The following SGMS1 variants were observed in gnomAD, a reference collection of about 807,000 sequenced individuals.
SGMS1 encodes phosphatidylcholine:ceramide cholinephosphotransferase 1.
In SGMS1, 13 loss-of-function variants were observed where a neutral mutation model predicts 46.2. The observed-to-expected ratio is 0.28, with a 90% CI of 0.18 to 0.45. The LOEUF (loss-of-function observed/expected upper bound fraction) is 0.45, where lower values mean the gene tolerates loss of function less well. Among genes scored for constraint, SGMS1 ranks in the 20% least tolerant of loss-of-function variants. The pLI, the probability that SGMS1 is intolerant of heterozygous loss-of-function variation, is 1.00. For missense variants in SGMS1, 324 were observed against 519.9 expected (o/e 0.62, Z 3.66); for synonymous variants, 203 against 187.8 (o/e 1.08, Z -0.66).
intron 4 of SGMS1, among the ~76,000 whole-genome samples, chr10:50,461,724 G>A (rs938959822): frequency 6.6e-5 from 10 of 152,148 alleles, no homozygotes; most frequent in East Asian, 1.9e-4. Context: ...CTGTCAAGCC[G>A]GAGAGCTGAT....
intron 2 of SGMS1, among the ~76,000 whole-genome samples, chr10:50,573,318 C>G (rs1315231801): frequency 6.6e-6 from 1 of 152,046 alleles, no homozygotes; most frequent in East Asian, 1.9e-4. Context: ...ATGTAGAAAA[C>G]CCTAAAGATC....
chr10:50,323,402 T>C (rs1847480385), intron 8 of SGMS1, among the ~76,000 whole-genome samples: 1 of 152,138 alleles, frequency 6.6e-6, no homozygotes. Flanking sequence ...AGTTTAGTGA[T>C]ATTGAGTAAC....
intron 2 of SGMS1, among the ~76,000 whole-genome samples, chr10:50,589,181 G>T (rs1369948841): frequency 1.3e-5 from 2 of 152,072 alleles, no homozygotes; most frequent in African/African-American, 4.8e-5. Context: ...TACAGTACAA[G>T]TTCCATGCCT....
At chr10:50,438,840 C>T (rs1388018040) in intron 5 of SGMS1, among the ~76,000 whole-genome samples, 2 of 152,180 alleles carry the variant, frequency 1.3e-5, no homozygotes, top group East Asian at 1.9e-4. Context: ...ACACTCCATC[C>T]TATTCTTGTC....
chr10:50,439,202 G>A (rs1849511868), intron 5 of SGMS1, among the ~76,000 whole-genome samples: 1 of 152,116 alleles, frequency 6.6e-6, no homozygotes, highest in Admixed American at 6.5e-5. Context: ...AAAACCAAAT[G>A]TAAATATTCT....
intron 6 of SGMS1, among the ~76,000 whole-genome samples, chr10:50,366,835 A>G (rs1426409398): frequency 1.3e-5 from 2 of 152,166 alleles, no homozygotes; most frequent in African/African-American, 2.4e-5. Context: ...TAACATTAGG[A>G]GAAATATCTA....
At chr10:50,355,849 C>T (rs1039017564) in intron 6 of SGMS1, among the ~76,000 whole-genome samples, 6 of 151,882 alleles carry the variant, frequency 4.0e-5, no homozygotes, top group African/African-American at 1.5e-4. Flanking sequence ...CCCCGCCGCC[C>T]TGTCTGAGAT....
chr10:50,319,648 T>A (rs185803436), intron 8 of SGMS1, among the ~76,000 whole-genome samples: 201 of 152,316 alleles, frequency 1.3e-3, no homozygotes, highest in African/African-American at 3.8e-3. Flanking sequence ...CTTGATTTGG[T>A]TTTATCTGAA....
At chr10:50,596,512 T>C (rs952760955) in intron 1 of SGMS1, among the ~76,000 whole-genome samples, 2 of 152,184 alleles carry the variant, frequency 1.3e-5, no homozygotes, top group Non-Finnish European at 2.9e-5. Flanking sequence ...AGCTTCCACA[T>C]TCTGGCCTAC....
At chr10:50,381,034 A>T (rs1848596617) in intron 6 of SGMS1, among the ~76,000 whole-genome samples, 1 of 147,240 alleles carries the variant, frequency 6.8e-6, no homozygotes, top group Non-Finnish European at 1.5e-5. Context: ...TCTCACTGTT[A>T]CCCAGGCTAC....
intron 5 of SGMS1, among the ~76,000 whole-genome samples, chr10:50,444,624 C>T (rs767453414): frequency 3.3e-5 from 5 of 151,930 alleles, no homozygotes; most frequent in African/African-American, 4.8e-5. Flanking sequence ...AGAGTGGTTG[C>T]GTGCACCTGT....
At chr10:50,613,995 T>C (rs186339984) in intron 1 of SGMS1, among the ~76,000 whole-genome samples, 1 of 152,210 alleles carries the variant, frequency 6.6e-6, no homozygotes, top group Non-Finnish European at 1.5e-5. Flanking sequence ...ATAATTAAAC[T>C]AGGCAAATAA....
In SGMS1 at chr10:50,343,592, C is replaced by A; in HGVS notation, c.523G>T (p.Asp175Tyr). The change falls in exon 7 of 11, where the codon GAC becomes TAC. Residue 175 changes from aspartate to tyrosine, a missense_variant. Physicochemically the swap from Asp to Tyr is radical, Grantham distance 160. This residue lies in a region of SGMS1 where 174 missense variants were observed against 350.1 expected (regional missense o/e 0.50). Transcript: ENST00000361781. ...VQPPLPDTFF[D>Y]HFNRVQWAFS... ...GCCCACTGCACCCGGTTAAAATGGT[C>A]AAAAAATGTGTCCGGTAGTGGAGGC... The A allele has an allele frequency of 6.2e-7, 1 of 1,614,056 alleles. No homozygotes were observed. Among genetic ancestry groups the A allele is most frequent in the Admixed American group, 1.7e-5 (1 of 60,018 alleles).
intron 1 of SGMS1, among the ~76,000 whole-genome samples, chr10:50,591,487 T>C (rs902639194): frequency 2.0e-5 from 3 of 152,194 alleles, no homozygotes; most frequent in Admixed American, 6.5e-5. Flanking sequence ...GTACCATTAA[T>C]ACTATAATCA....
At position 50,401,656 on chromosome 10, in the gene SGMS1, A is replaced by T. The variant is rs187158330; in HGVS notation, c.-232+31820T>A. ...AATACCCCCCACCAAAAGCTCCTGAAATTTTCTTAAGGGATACATGTTTTA... is the reference window on the plus strand; with the variant it reads ...AATACCCCCCACCAAAAGCTCCTGATATTTTCTTAAGGGATACATGTTTTA... On this transcript the variant is annotated intron_variant, in intron 6 of 10. Coordinates refer to ENST00000361781, the MANE Select transcript of SGMS1 (RefSeq NM_147156.4). Among the ~76,000 whole-genome samples the T allele has an allele frequency of 2.6e-5, 4 of 152,292 alleles. No homozygotes were observed. The East Asian group carries it at 7.7e-4, about 29-fold the overall frequency.
intron 1 of SGMS1, among the ~76,000 whole-genome samples, chr10:50,596,326 A>G (rs756605328): frequency 1.3e-5 from 2 of 152,120 alleles, no homozygotes; most frequent in Non-Finnish European, 2.9e-5. Context: ...ACAGGCATTC[A>G]CCACAACACC....
At chr10:50,390,635 C>T (rs905953728) in intron 6 of SGMS1, among the ~76,000 whole-genome samples, 11 of 148,858 alleles carry the variant, frequency 7.4e-5, no homozygotes, top group African/African-American at 2.7e-4. Context: ...AAGACCCTGC[C>T]TCTTAAGAAA....
intron 7 of SGMS1, 34 bp from the exon 8 acceptor site, chr10:50,327,356 TC>T: frequency 8.1e-7 from 1 of 1,230,292 alleles, no homozygotes; most frequent in South Asian, 1.3e-5. Context: ...AGATTCTCAG[TC>T]AAGAAATTCT....
chr10:50,324,285 C>T (rs1847495877), intron 8 of SGMS1, among the ~76,000 whole-genome samples: 1 of 152,146 alleles, frequency 6.6e-6, no homozygotes, highest in African/African-American at 2.4e-5. Flanking sequence ...TTAACCTTAA[C>T]TTTAGTGTTC....
Sources: gnomAD v4.1 joint callset for allele counts (sites outside exome capture counted in the v4.1 genomes callset) on GRCh38, gnomAD v4.1.1 for gene constraint, gnomAD v4.1.1 regional missense constraint, MANE v1.5 for transcripts, NCBI Gene and HGNC (gene_info 2026-07-23, HGNC 2026-07-21) for gene names.